The following ADAM20 variants were observed in gnomAD, a reference collection of about 807,000 sequenced individuals.
The protein encoded by ADAM20 is ADAM metallopeptidase domain 20.
For synonymous variants in ADAM20, 305 were observed against 310.2 expected (o/e 0.98, Z 0.18); for missense variants, 871 against 883.2 (o/e 0.99, Z 0.18).
the ADAM20 span, among the ~76,000 whole-genome samples, chr14:70,562,923 G>C: frequency 0.027 from 4,044 of 152,296 alleles, 81 homozygotes; most frequent in Middle Eastern, 0.058. Context: ...ATATGTTTCT[G>C]AGTAAGAATT....
chr14:70,526,990 T>C (rs932772204), intron 1 of ADAM20, among the ~76,000 whole-genome samples: 3 of 152,154 alleles, frequency 2.0e-5, no homozygotes, highest in Non-Finnish European at 4.4e-5. Flanking sequence ...TTTACACAGA[T>C]CCTTAGCAAG....
the ADAM20 span, chr14:70,557,330 A>G: frequency 3.3e-5 from 5 of 152,224 alleles, no homozygotes; most frequent in South Asian, 6.2e-4. Context: ...GAGAAATGTC[A>G]TAAGATTGCC....
At chr14:70,541,024 C>T in the ADAM20 span, among the ~76,000 whole-genome samples, 3 of 152,146 alleles carry the variant, frequency 2.0e-5, no homozygotes, top group Admixed American at 2.0e-4. Flanking sequence ...ATCTCTTGAC[C>T]TCATGATCCA....
In ADAM20 at chr14:70,523,779, C is replaced by G; in HGVS notation, c.979G>C (p.Val327Leu). ...ACGACCAACCTGTTGTCTTCAAAAA[C>G]ATCAACTCCAGTATTAAAAGGATTC... The part of the protein sequence containing the change: ...CQNPFNTGVD[V>L]FEDNRLVVFA... Residue 327 changes from valine (V) to leucine (L), a missense_variant, in exon 2 of 2, where the codon GTT becomes CTT. Transcript: ENST00000256389. 6.2e-7 allele frequency: 1 copy of G among 1,614,084 alleles called. No individual in the cohort carries two copies.
At chr14:70,556,637 A>T in the ADAM20 span, 1 of 152,248 alleles carries the variant, frequency 6.6e-6, no homozygotes, top group Non-Finnish European at 1.5e-5. Flanking sequence ...CGCTTGAATA[A>T]CGTGGATTTG....
At chr14:70,535,694 CA>C (rs909441429), upstream of ADAM20, among the ~76,000 whole-genome samples, 1 of 152,076 alleles carries the variant, frequency 6.6e-6, no homozygotes, top group African/African-American at 2.4e-5. Context: ...CGCTCCAGAG[CA>C]AAAAGTTCCA....
In ADAM20 at chr14:70,523,450, C is replaced by A. The variant is rs1169509359; in HGVS notation, c.1308G>T (p.Leu436=). Residue 436 remains leucine (L), a synonymous_variant, in exon 2 of 2, where the codon CTG becomes CTT. Transcript: ENST00000256389. ...IRQCAKDPCC[L]LNCTLHPGAA... The stretch of plus-strand genomic sequence containing the variant: ...CCCCAGGATGTAGAGTACAGTTTAA[C>A]AGACAACAGGGATCTTTTGCACACT... 1 of 1,613,962 alleles carries A rather than the reference C, an allele frequency of 6.2e-7. No homozygotes were observed. Among genetic ancestry groups the A allele is most frequent in the African/African-American group, 1.3e-5 (1 of 74,918 alleles).
chr14:70,562,200 T>C, the ADAM20 span, among the ~76,000 whole-genome samples: 1 of 152,218 alleles, frequency 6.6e-6, no homozygotes, highest in Non-Finnish European at 1.5e-5. Flanking sequence ...ATGTGAGACA[T>C]CATGTCAAAA....
chr14:70,533,445 T>G (rs1883757888), intron 1 of ADAM20, among the ~76,000 whole-genome samples: 2 of 152,162 alleles, frequency 1.3e-5, no homozygotes, highest in African/African-American at 4.8e-5. Context: ...TTTATGTGCT[T>G]TGCAGGGACA....
chr14:70,572,463 A>C, the ADAM20 span, among the ~76,000 whole-genome samples: 1 of 152,210 alleles, frequency 6.6e-6, no homozygotes, highest in South Asian at 2.1e-4. Flanking sequence ...ATCAGATTAA[A>C]GACTCAACTG....
chr14:70,526,829 TA>T (rs1883600166), intron 1 of ADAM20, among the ~76,000 whole-genome samples: 1 of 152,140 alleles, frequency 6.6e-6, no homozygotes, highest in Admixed American at 6.5e-5. Flanking sequence ...AGTAACAATT[TA>T]AAACTCATCA....
chr14:70,570,032 AAATTTGACCACAAGCTCG>A, the ADAM20 span, among the ~76,000 whole-genome samples: 1 of 151,068 alleles, frequency 6.6e-6, no homozygotes. Context: ...AACATTCTCT[AAATTTGACCACAAGCTCG>A]GTCATAAAGC....
the ADAM20 span, among the ~76,000 whole-genome samples, chr14:70,562,020 GA>G: frequency 6.6e-6 from 1 of 152,206 alleles, no homozygotes; most frequent in Non-Finnish European, 1.5e-5. Context: ...CCATCCTCCA[GA>G]CCCCAGAATG....
chr14:70,572,583 C>A, the ADAM20 span, among the ~76,000 whole-genome samples: 9 of 151,940 alleles, frequency 5.9e-5, no homozygotes, highest in African/African-American at 1.7e-4. Context: ...GCAACAAAAA[C>A]AAAAATAGAC....
At chr14:70,527,774 T>C (rs549365945) in intron 1 of ADAM20, among the ~76,000 whole-genome samples, 1 of 152,146 alleles carries the variant, frequency 6.6e-6, no homozygotes, top group Non-Finnish European at 1.5e-5. Context: ...ACCACCTCTA[T>C]CCAGTTTTCT....
chr14:70,523,202 A>G lies in ADAM20; in HGVS notation c.1556T>C (p.Phe519Ser). 3.1e-6 allele frequency: 5 copies of G among 1,613,994 alleles called. No homozygotes were observed. Among genetic ancestry groups the G allele is most frequent in the Non-Finnish European group, 4.2e-6 (5 of 1,179,924 alleles). The change falls in exon 2 of 2, where the codon TTT becomes TCT. Residue 519 changes from phenylalanine to serine, a missense_variant. Coordinates refer to ENST00000256389, the MANE Select transcript of ADAM20 (RefSeq NM_003814.5). ...AGATGCACTCCTTGCATCTTGGCCA[A>G]AAATCTCTTTACATTGTATATCATG... ...NNHDIQCKEI[F>S]GQDARSASQS... is the part of the protein sequence containing the mutation.
At chr14:70,560,109 G>C in the ADAM20 span, among the ~76,000 whole-genome samples, 1 of 151,962 alleles carries the variant, frequency 6.6e-6, no homozygotes, top group African/African-American at 2.4e-5. Flanking sequence ...TAAAAGCTGT[G>C]AATAAAAAAT....
At chr14:70,524,961 G>C (rs1293010136) in intron 1 of ADAM20, 28 bp from the exon 2 acceptor site, 1 of 1,515,592 alleles carries the variant, frequency 6.6e-7, no homozygotes, top group Admixed American at 2.2e-5. Flanking sequence ...GGGTGGGTGG[G>C]ATAGAAAGGG....
the ADAM20 span, among the ~76,000 whole-genome samples, chr14:70,546,472 G>C: frequency 6.6e-6 from 1 of 152,140 alleles, no homozygotes; most frequent in African/African-American, 2.4e-5. Flanking sequence ...GCAAAGAGGG[G>C]ACTTCCAGGT....
Sources: gnomAD v4.1 joint callset for allele counts (sites outside exome capture counted in the v4.1 genomes callset) on GRCh38, gnomAD v4.1.1 for gene constraint, MANE v1.5 for transcripts, NCBI Gene and HGNC (gene_info 2026-07-23, HGNC 2026-07-21) for gene names.